Variants in CDH4 observed in about 807,000 individuals in gnomAD.
The protein encoded by CDH4 is cadherin-4.
A neutral mutation model predicts 86.0 loss-of-function variants in CDH4; 33 were observed. The observed-to-expected ratio is 0.38, with a 90% confidence interval of 0.29 to 0.51. The LOEUF (loss-of-function observed/expected upper bound fraction) is 0.51. CDH4 is among the 20% of genes least tolerant of loss of function. The probability of loss-of-function intolerance (pLI) is 0.86; values close to 1 mark genes in which losing one functional copy is unlikely to be tolerated. For synonymous variants in CDH4, 555 were observed against 549.4 expected, an observed-to-expected ratio of 1.01 and a Z score of -0.14; for missense variants, 1,114 against 1,307.4, an observed-to-expected ratio of 0.85 and a Z score of 2.28.
intron 2 of CDH4, among the ~76,000 whole-genome samples, chr20:61,530,878 G>A (rs149278526): frequency 4.8e-4 from 73 of 152,216 alleles, no homozygotes; most frequent in African/African-American, 1.7e-3. Context: ...CAGCCACAGC[G>A]CTGTCCAGGG....
chr20:61,308,749 G>T (rs1041567620), intron 2 of CDH4, among the ~76,000 whole-genome samples: 1 of 152,226 alleles, frequency 6.6e-6, no homozygotes, highest in African/African-American at 2.4e-5. Context: ...TGAATTTGAT[G>T]ATTGCAGGCG....
intron 2 of CDH4, among the ~76,000 whole-genome samples, chr20:61,496,958 T>TTA (rs1020427362): frequency 1.4e-5 from 2 of 143,244 alleles, no homozygotes; most frequent in African/African-American, 5.1e-5. Flanking sequence ...GGGGATTGAT[T>TTA]TTTTTTTTTT....
chr20:61,291,194 T>C (rs1419101674), intron 2 of CDH4, among the ~76,000 whole-genome samples: 1 of 152,122 alleles, frequency 6.6e-6, no homozygotes, highest in Non-Finnish European at 1.5e-5. Flanking sequence ...TCACACCTTG[T>C]AGTGAGTTGA....
intron 2 of CDH4, among the ~76,000 whole-genome samples, chr20:61,421,476 C>T (rs2085177426): frequency 6.6e-6 from 1 of 152,194 alleles, no homozygotes; most frequent in Non-Finnish European, 1.5e-5. Context: ...CAGTCAAACT[C>T]ATCTCCGCTA....
chr20:61,931,487 A>G (rs1249465203), intron 13 of CDH4, among the ~76,000 whole-genome samples: 1 of 152,114 alleles, frequency 6.6e-6, no homozygotes, highest in Non-Finnish European at 1.5e-5. Flanking sequence ...GTTGGCAAAA[A>G]ACAGCCCTCC....
At chr20:61,542,396 T>G (rs2086046250) in intron 2 of CDH4, among the ~76,000 whole-genome samples, 1 of 152,194 alleles carries the variant, frequency 6.6e-6, no homozygotes, top group Non-Finnish European at 1.5e-5. Flanking sequence ...AGAGGGTTTC[T>G]CACATTATCT....
In CDH4 at chr20:61,895,025, C is replaced by T. The variant is rs1224937402; in HGVS notation, c.1166C>T (p.Pro389Leu). ...IITVTDVNDNPPEFTASTFAG... is the reference protein window; with the variant it reads ...IITVTDVNDNLPEFTASTFAG... The stretch of plus-strand genomic sequence containing the variant: ...ACGGTGACAGATGTGAATGACAACC[C>T]GCCAGAATTTACCGCCAGCACGGTG... Residue 389 changes from proline to leucine, a missense_variant, in exon 8 of 16, where the codon CCG becomes CTG. Physicochemically the swap from Pro to Leu is moderately conservative, Grantham distance 98. Around this residue, in one of 3 missense-constraint regions of CDH4, gnomAD observed 705 missense variants for 914.1 expected, o/e 0.77. Coordinates refer to ENST00000614565, the MANE Select transcript of CDH4 (RefSeq NM_001794.5). 3.7e-6 allele frequency: 6 copies of T among 1,613,842 alleles called. No individual in the cohort carries two copies. The highest frequency in any genetic ancestry group is 1.3e-5 in the African/African-American group (1 of 75,064).
intron 2 of CDH4, among the ~76,000 whole-genome samples, chr20:61,355,341 C>T (rs781482517): frequency 3.9e-5 from 6 of 152,152 alleles, no homozygotes; most frequent in Non-Finnish European, 7.4e-5. Context: ...AAAATGAGCA[C>T]GTGGCCAGTC....
At chr20:61,577,638 G>T (rs2086392887) in intron 2 of CDH4, among the ~76,000 whole-genome samples, 1 of 152,146 alleles carries the variant, frequency 6.6e-6, no homozygotes, top group Non-Finnish European at 1.5e-5. Context: ...TCCCAGGAAG[G>T]ATGGGTGGGT....
chr20:61,869,709 A>G (rs1983714475), intron 6 of CDH4, among the ~76,000 whole-genome samples: 2 of 152,116 alleles, frequency 1.3e-5, no homozygotes, highest in African/African-American at 4.8e-5. Context: ...CAAGCCTCCA[A>G]GGGGGCTTAG....
intron 2 of CDH4, among the ~76,000 whole-genome samples, chr20:61,638,712 T>C (rs1173330455): frequency 3.3e-5 from 5 of 152,156 alleles, no homozygotes; most frequent in African/African-American, 4.8e-5. Flanking sequence ...CCTTTGAAAA[T>C]GGGTTGGTTT....
At chr20:61,562,595 G>A (rs1273564995) in intron 2 of CDH4, among the ~76,000 whole-genome samples, 1 of 152,210 alleles carries the variant, frequency 6.6e-6, no homozygotes, top group Admixed American at 6.5e-5. Flanking sequence ...AGAACGGCCT[G>A]CTTCAGCCCG....
intron 2 of CDH4, among the ~76,000 whole-genome samples, chr20:61,373,205 C>G (rs945073201): frequency 6.6e-6 from 1 of 152,106 alleles, no homozygotes; most frequent in African/African-American, 2.4e-5. Flanking sequence ...TGTGTCCTGC[C>G]GGCCCCGTAG....
At chr20:61,580,630 T>C (rs2086419573) in intron 2 of CDH4, among the ~76,000 whole-genome samples, 1 of 106,634 alleles carries the variant, frequency 9.4e-6, no homozygotes. Context: ...GTTTTTCAGG[T>C]TGACGCTCTA....
chr20:61,779,768 C>T (rs904265026), intron 4 of CDH4, among the ~76,000 whole-genome samples: 1 of 152,234 alleles, frequency 6.6e-6, no homozygotes, highest in Non-Finnish European at 1.5e-5. Flanking sequence ...AGTGATGCCC[C>T]GAGCTGGGTC....
intron 2 of CDH4, among the ~76,000 whole-genome samples, chr20:61,539,161 A>G (rs1332901533): frequency 1.3e-5 from 2 of 151,760 alleles, no homozygotes; most frequent in African/African-American, 2.4e-5. Context: ...GCCCTGGAGG[A>G]GTCCCCAGGA....
At chr20:61,502,793 A>C (rs1170207260) in intron 2 of CDH4, among the ~76,000 whole-genome samples, 1 of 152,196 alleles carries the variant, frequency 6.6e-6, no homozygotes, top group African/African-American at 2.4e-5. Context: ...AGCTTATTGC[A>C]TAAGAATTAC....
chr20:61,883,903 G>C (rs907738435), intron 7 of CDH4, among the ~76,000 whole-genome samples: 7 of 152,234 alleles, frequency 4.6e-5, no homozygotes, highest in Non-Finnish European at 1.0e-4. Flanking sequence ...GACAGACAGA[G>C]AGAGGGGGAA....
At chr20:61,597,656 A>T (rs1568704317) in intron 2 of CDH4, among the ~76,000 whole-genome samples, 1 of 152,150 alleles carries the variant, frequency 6.6e-6, no homozygotes, top group African/African-American at 2.4e-5. Context: ...CCCAAACAGG[A>T]CAGGCAGGGC....
Sources: allele counts gnomAD v4.1 joint callset (sites outside exome capture counted in the v4.1 genomes callset), GRCh38; gene constraint gnomAD v4.1.1; regional missense constraint gnomAD v4.1.1; transcripts MANE v1.5; gene names NCBI Gene and HGNC (gene_info 2026-07-23, HGNC 2026-07-21).